The following CNTN4 variants were observed in gnomAD, a reference collection of about 807,000 sequenced individuals.
The protein encoded by CNTN4 is contactin 4.
A neutral mutation model predicts 122.5 loss-of-function variants in CNTN4; 77 were observed. That is an observed-to-expected ratio of 0.63 (90% CI 0.52 to 0.76). CNTN4 has a LOEUF of 0.76. CNTN4 is among the 30% of genes least tolerant of loss of function. The pLI, the probability that CNTN4 is intolerant of heterozygous loss-of-function variation, is 0.00. For synonymous variants in CNTN4, 512 were observed against 447.0 expected (o/e 1.15, Z -1.83); for missense variants, 1,256 against 1,259.1 (o/e 1.00, Z 0.04).
At chr3:2,229,541 A>G (rs2039407333) in intron 2 of CNTN4, among the ~76,000 whole-genome samples, 1 of 152,220 alleles carries the variant, frequency 6.6e-6, no homozygotes, top group South Asian at 2.1e-4. Flanking sequence ...TAGTTACGTA[A>G]GTATTTGAAA....
intron 24 of CNTN4, among the ~76,000 whole-genome samples, chr3:3,055,405 G>T (rs913749603): frequency 2.0e-5 from 3 of 152,296 alleles, no homozygotes; most frequent in Middle Eastern, 6.8e-3. Context: ...GTAATTATTA[G>T]ATAACAAGGA....
chr3:2,748,123 C>T (rs944114661), intron 6 of CNTN4, among the ~76,000 whole-genome samples: 5 of 152,134 alleles, frequency 3.3e-5, no homozygotes, highest in African/African-American at 1.2e-4. Flanking sequence ...TTAACTTTTG[C>T]AAAGGACACT....
chr3:2,992,021 T>C (rs550888438), intron 14 of CNTN4, among the ~76,000 whole-genome samples: 30 of 152,168 alleles, frequency 2.0e-4, no homozygotes, highest in Non-Finnish European at 4.1e-4. Context: ...GCTTTCAAAA[T>C]CCAATTCTCT....
chr3:2,943,632 T>TTATATATATATATATATA (rs2094640895), intron 13 of CNTN4, among the ~76,000 whole-genome samples: 3 of 96,186 alleles, frequency 3.1e-5, no homozygotes, highest in African/African-American at 1.3e-4. Flanking sequence ...ATATATATAT[T>TTATATATATATATATATA]TTTTTTTTTT....
chr3:3,053,948 G>A lies in CNTN4; in HGVS notation c.2953G>A (p.Glu985Lys). The change falls in exon 24 of 25, where the codon GAA becomes AAA. Residue 985 changes from glutamate to lysine, a missense_variant. Transcript: ENST00000418658. Reference sequence around the variant, plus strand: ...CGACGGAGGAGATGGCAGCAGCAGTGAACAAATTCGAATTCCAAAGATATC... The same window carrying A: ...CGACGGAGGAGATGGCAGCAGCAGTAAACAAATTCGAATTCCAAAGATATC... ...FSDGGDGSSSEQIRIPKISNA... is the reference protein window; with the variant it reads ...FSDGGDGSSSKQIRIPKISNA... 1 of 1,614,170 alleles carries A rather than the reference G, an allele frequency of 6.2e-7. No individual in the cohort carries two copies. Among genetic ancestry groups the A allele is most frequent in the Non-Finnish European group, 8.5e-7 (1 of 1,180,036 alleles).
intron 3 of CNTN4, among the ~76,000 whole-genome samples, chr3:2,479,897 G>A (rs779040353): frequency 6.6e-6 from 1 of 152,074 alleles, no homozygotes; most frequent in African/African-American, 2.4e-5. Context: ...AATCAATAAT[G>A]TATAAAAATA....
intron 2 of CNTN4, among the ~76,000 whole-genome samples, chr3:2,237,762 G>A (rs947452355): frequency 6.6e-6 from 1 of 152,096 alleles, no homozygotes; most frequent in Non-Finnish European, 1.5e-5. Flanking sequence ...ATGAATATTG[G>A]TATTTTTATG....
At chr3:2,578,704 A>G (rs997101789) in intron 4 of CNTN4, among the ~76,000 whole-genome samples, 4 of 152,150 alleles carry the variant, frequency 2.6e-5, no homozygotes, top group African/African-American at 9.7e-5. Context: ...TTGTAAGAAA[A>G]TGACTTGCCG....
intron 2 of CNTN4, among the ~76,000 whole-genome samples, chr3:2,268,623 A>ATATCTCTAT (rs2149798745): frequency 6.6e-6 from 1 of 152,248 alleles, no homozygotes; most frequent in South Asian, 2.1e-4. Flanking sequence ...TTAATGTGAT[A>ATATCTCTAT]TATCTCTATT....
chr3:2,991,995 T>A lies in CNTN4; in HGVS notation c.1486+3523T>A, dbSNP rs145457482. 3.3e-5 allele frequency among the ~76,000 whole-genome samples: 5 copies of A among 152,286 alleles called. No individual in the cohort carries two copies. The East Asian group carries it at 9.7e-4, about 29-fold the overall frequency. On this transcript the variant is annotated intron_variant, in intron 14 of 24. Coordinates refer to ENST00000418658, the MANE Select transcript of CNTN4 (RefSeq NM_175607.3). Reference sequence around the variant, plus strand: ...ATCTTTTCTAACCTTTTTACAATAGTTCTATCATTAACCATGCTTTCAAAA... The same window carrying A: ...ATCTTTTCTAACCTTTTTACAATAGATCTATCATTAACCATGCTTTCAAAA...
intron 4 of CNTN4, among the ~76,000 whole-genome samples, chr3:2,639,773 T>C (rs138329466): frequency 6.6e-5 from 10 of 152,180 alleles, no homozygotes; most frequent in African/African-American, 2.2e-4. Flanking sequence ...CTATAAAAGG[T>C]TGAAATACAG....
At chr3:2,305,566 C>G (rs1266855353) in intron 2 of CNTN4, among the ~76,000 whole-genome samples, 1 of 152,092 alleles carries the variant, frequency 6.6e-6, no homozygotes, top group African/African-American at 2.4e-5. Flanking sequence ...ATAGTACTTT[C>G]TCTTTATGTT....
At chr3:2,932,407 A>G (rs888786544) in intron 13 of CNTN4, among the ~76,000 whole-genome samples, 1 of 152,068 alleles carries the variant, frequency 6.6e-6, no homozygotes, top group Non-Finnish European at 1.5e-5. Flanking sequence ...AAAAATAAGT[A>G]CAAATTGAGA....
intron 4 of CNTN4, among the ~76,000 whole-genome samples, chr3:2,728,640 G>A (rs2088415296): frequency 6.6e-6 from 1 of 152,194 alleles, no homozygotes; most frequent in African/African-American, 2.4e-5. Context: ...CAGGATATAG[G>A]CAAAGCCACT....
chr3:2,176,378 G>A lies in CNTN4; in HGVS notation c.-145+75739G>A, dbSNP rs538542051. Among the ~76,000 whole-genome samples, 8 of 152,252 alleles carry A rather than the reference G, an allele frequency of 5.3e-5. No homozygotes were observed. The South Asian group carries it at 1.4e-3, about 28-fold the overall frequency. ...CCACTTAGTGAGTGGTACTATGATT[G>A]TTTTGGGTACATACCTAAGATTAGC... On this transcript the variant is annotated intron_variant, in intron 2 of 24. Transcript: ENST00000418658.
intron 3 of CNTN4, among the ~76,000 whole-genome samples, chr3:2,556,954 G>C (rs974801528): frequency 6.6e-6 from 1 of 152,036 alleles, no homozygotes; most frequent in Non-Finnish European, 1.5e-5. Flanking sequence ...AAGAGGGGCT[G>C]GTAGGCAAGA....
At chr3:2,817,480 T>G (rs376258878) in intron 6 of CNTN4, among the ~76,000 whole-genome samples, 74 of 152,230 alleles carry the variant, frequency 4.9e-4, no homozygotes, top group South Asian at 8.3e-4. Context: ...AATACCAGAT[T>G]AATGAGATAC....
rs138810077 is a variant in CNTN4, at chr3:2,949,032, A to G, written c.1358+23253A>G. 9.9e-5 allele frequency among the ~76,000 whole-genome samples: 15 copies of G among 152,016 alleles called. No homozygotes were observed. The East Asian group carries it at 2.7e-3, about 27-fold the overall frequency. ...CAGTGTCCTACATAGCCAGGCCCCT[A>G]CTTATCTCTCTGACCATATCTGCTG... On this transcript the variant is annotated intron_variant, in intron 13 of 24. Coordinates refer to ENST00000418658, the MANE Select transcript of CNTN4 (RefSeq NM_175607.3).
At chr3:2,389,992 T>C (rs959735797) in intron 3 of CNTN4, among the ~76,000 whole-genome samples, 1 of 152,214 alleles carries the variant, frequency 6.6e-6, no homozygotes, top group African/African-American at 2.4e-5. Flanking sequence ...GTATATGAAC[T>C]ATCTCAGATT....
Sources: gnomAD v4.1 joint callset for allele counts (sites outside exome capture counted in the v4.1 genomes callset) on GRCh38, gnomAD v4.1.1 for gene constraint, MANE v1.5 for transcripts, NCBI Gene and HGNC (gene_info 2026-07-23, HGNC 2026-07-21) for gene names.